The following WNT9B variants were observed in gnomAD, a reference collection of about 807,000 sequenced individuals.
The protein encoded by WNT9B is protein Wnt-9b.
A neutral mutation model predicts 30.2 loss-of-function variants in WNT9B; 12 were observed. That is an observed-to-expected ratio of 0.40 (90% CI 0.26 to 0.64). WNT9B has a LOEUF of 0.64. Ranked by LOEUF, WNT9B falls within the 30% of genes least tolerant of loss-of-function variation. The pLI is 0.42. For synonymous variants in WNT9B, 218 were observed against 216.9 expected (o/e 1.01, Z -0.05); for missense variants, 442 against 485.2 (o/e 0.91, Z 0.84).
upstream of WNT9B, among the ~76,000 whole-genome samples, chr17:46,847,388 TCATGGCCCA>T (rs1568117027): frequency 6.6e-6 from 1 of 152,226 alleles, no homozygotes; most frequent in Non-Finnish European, 1.5e-5. Flanking sequence ...ATGGGGACAA[TCATGGCCCA>T]CATGCTACCT....
At chr17:46,838,613 C>A (rs986128778) in intron 1 of WNT9B, among the ~76,000 whole-genome samples, 1 of 151,710 alleles carries the variant, frequency 6.6e-6, no homozygotes, top group African/African-American at 2.4e-5. Context: ...GGCGACAGAG[C>A]GAGACCCTGT....
chr17:46,884,991 C>T (rs886487254), downstream of WNT9B: 2 of 435,162 alleles, frequency 4.6e-6, no homozygotes, highest in Admixed American at 2.6e-5. Flanking sequence ...TTTATATTTC[C>T]TTAGCTTTTT....
intron 1 of WNT9B, among the ~76,000 whole-genome samples, chr17:46,855,375 C>A (rs2084922123): frequency 6.6e-6 from 1 of 152,176 alleles, no homozygotes; most frequent in African/African-American, 2.4e-5. Context: ...CAGTTTGGCT[C>A]ACAGAACAGC....
chr17:46,864,823 C>T (rs986153281), intron 1 of WNT9B, among the ~76,000 whole-genome samples: 8 of 152,096 alleles, frequency 5.3e-5, no homozygotes, highest in East Asian at 1.9e-4. Context: ...TTGTGGCCAC[C>T]GGAGACCTGC....
chr17:46,836,517 G>A (rs1303671701), intron 1 of WNT9B, among the ~76,000 whole-genome samples: 1 of 152,198 alleles, frequency 6.6e-6, no homozygotes, highest in East Asian at 1.9e-4. Flanking sequence ...ATGTCACATT[G>A]TAAATGTCGA....
chr17:46,882,734 C>A (rs988647498), downstream of WNT9B, among the ~76,000 whole-genome samples: 1 of 152,178 alleles, frequency 6.6e-6, no homozygotes, highest in Non-Finnish European at 1.5e-5. Flanking sequence ...GCAGCAAACA[C>A]GGATTGGTGG....
chr17:46,853,096 G>T (rs1285708622), intron 1 of WNT9B, among the ~76,000 whole-genome samples: 2 of 152,166 alleles, frequency 1.3e-5, no homozygotes, highest in Non-Finnish European at 2.9e-5. Flanking sequence ...CAACTTGTTT[G>T]TTTCCGAAGA....
intron 2 of WNT9B, among the ~76,000 whole-genome samples, chr17:46,874,508 G>C (rs1370019462): frequency 1.3e-5 from 2 of 152,204 alleles, no homozygotes; most frequent in East Asian, 1.9e-4. Context: ...CCCCTGGCCT[G>C]CTGCCCTCTG....
chr17:46,882,587 A>C (rs1482668382), downstream of WNT9B, among the ~76,000 whole-genome samples: 2 of 151,782 alleles, frequency 1.3e-5, no homozygotes, highest in African/African-American at 2.4e-5. Flanking sequence ...AGGCTCACCC[A>C]TGATGGGGAT....
chr17:46,851,769 CT>C lies in WNT9B; in HGVS notation c.77+55del. 1.0e-6 allele frequency: 1 copy of C among 966,876 alleles called. No homozygotes were observed. Among genetic ancestry groups the C allele is most frequent in the Non-Finnish European group, 1.4e-6 (1 of 738,502 alleles). 59.9% of individuals were successfully genotyped at this position (966,876 alleles called of 1,614,324 possible). A position where few individuals can be genotyped will look rare whatever the true frequency, so the allele number is the denominator to read the frequency against. ...TCCCCGGCCTGCCTGTCTCTCCCTC[CT>C]GCGCTACAGCTGGGCCAATTTTTCC... On this transcript the variant is annotated intron_variant, in intron 1 of 3. Transcript: ENST00000290015. The surrounding 1 kb of genome is among the most constrained non-coding windows in gnomAD (Gnocchi z 4.3).
chr17:46,869,348 A>C (rs916877266), intron 1 of WNT9B, among the ~76,000 whole-genome samples: 16 of 152,316 alleles, frequency 1.1e-4, no homozygotes, highest in Admixed American at 2.0e-4. Flanking sequence ...AACACTGGCC[A>C]TGCAGAGCTG....
At chr17:46,842,741 C>A (rs895203916) in intron 1 of WNT9B, among the ~76,000 whole-genome samples, 2 of 152,180 alleles carry the variant, frequency 1.3e-5, no homozygotes, top group Admixed American at 6.5e-5. Context: ...GAGTGCCTGG[C>A]ATGATGAGTG....
chr17:46,875,584 A>G (rs2085331756), intron 3 of WNT9B, among the ~76,000 whole-genome samples: 2 of 152,230 alleles, frequency 1.3e-5, no homozygotes, highest in Non-Finnish European at 2.9e-5. Context: ...TGGAAGGGTC[A>G]TGAGTGTCAT....
upstream of WNT9B, among the ~76,000 whole-genome samples, chr17:46,847,534 A>G (rs967865719): frequency 6.6e-6 from 1 of 152,206 alleles, no homozygotes; most frequent in African/African-American, 2.4e-5. Flanking sequence ...TATGACAAGA[A>G]GGCCAGGTCA....
chr17:46,848,928 A>G (rs2146535792), upstream of WNT9B, among the ~76,000 whole-genome samples: 1 of 143,852 alleles, frequency 7.0e-6, no homozygotes, highest in East Asian at 2.2e-4. Flanking sequence ...ACATGTGTGC[A>G]CGTGCACACA....
chr17:46,833,346 A>C (rs1337007493), exon 1 of WNT9B: 1 of 518,162 alleles, frequency 1.9e-6, no homozygotes, highest in Non-Finnish European at 3.9e-6. Flanking sequence ...TATCAATTGC[A>C]TGAAAGGACG....
At position 46,875,277 on chromosome 17, in the gene WNT9B, A is replaced by G. The variant is rs1399535819; in HGVS notation, c.511A>G (p.Lys171Glu). 6.2e-7 allele frequency: 1 copy of G among 1,614,178 alleles called. No homozygotes were observed. Among genetic ancestry groups the G allele is most frequent in the Admixed American group, 1.7e-5 (1 of 60,018 alleles). ...VCGDNLKYSTKFLSNFLGSKR... is the reference protein window; with the variant it reads ...VCGDNLKYSTEFLSNFLGSKR... ...CGGTGACAACCTCAAGTACAGCACC[A>G]AGTTTCTGAGCAACTTCCTGGGGTC... is the stretch of plus-strand genomic sequence containing the variant. The change falls in exon 3 of 4, where the codon AAG becomes GAG. Residue 171 changes from lysine (K) to glutamate (E), a missense_variant. Lys to Glu is a moderately conservative substitution (Grantham distance 56). Transcript: ENST00000290015.
chr17:46,877,420 C>G lies in WNT9B; in HGVS notation c.*702C>G, dbSNP rs530578689. Reference sequence around the variant, plus strand: ...CTCCGCTGAGGCCTCATTCTTGTCTCGAGAGCTGGGTTATGCACACTCACC... The same window carrying G: ...CTCCGCTGAGGCCTCATTCTTGTCTGGAGAGCTGGGTTATGCACACTCACC... On this transcript the variant is annotated 3_prime_UTR_variant, in exon 4 of 4. Transcript: ENST00000290015. 6.6e-6 allele frequency among the ~76,000 whole-genome samples: 1 copy of G among 152,174 alleles called. No individual in the cohort carries two copies. The highest frequency in any genetic ancestry group is 1.9e-4 in the East Asian group (1 of 5,194).
chr17:46,877,090 A>G lies in WNT9B; in HGVS notation c.*372A>G, dbSNP rs1488118169. ...TTCCTGGGATGAATGGCTTGGAGCC[A>G]GCATGTTCTTGGGAGGTGAACTGCT... is the stretch of plus-strand genomic sequence containing the variant. On this transcript the variant is annotated 3_prime_UTR_variant, in exon 4 of 4. Coordinates refer to ENST00000290015, the MANE Select transcript of WNT9B (RefSeq NM_003396.3). 2.9e-6 allele frequency: 3 copies of G among 1,052,396 alleles called. No homozygotes were observed. The highest frequency in any genetic ancestry group is 3.4e-6 in the Non-Finnish European group (3 of 873,242). 65.2% of individuals were successfully genotyped at this position (1,052,396 alleles called of 1,614,324 possible).
Sources: allele counts gnomAD v4.1 joint callset (sites outside exome capture counted in the v4.1 genomes callset), GRCh38; gene constraint gnomAD v4.1.1; non-coding constraint Gnocchi (gnomAD v3.1); transcripts MANE v1.5; gene names NCBI Gene and HGNC (gene_info 2026-07-23, HGNC 2026-07-21).